CDKAL1: variants seen among roughly 807,000 people sequenced by gnomAD.
CDKAL1 encodes threonylcarbamoyladenosine tRNA methylthiotransferase.
CDKAL1 carries 32 observed loss-of-function variants against 68.2 expected under a neutral mutation model. That is an observed-to-expected ratio of 0.47 (90% CI 0.35 to 0.63). CDKAL1 has a LOEUF of 0.63. CDKAL1 is among the 30% of genes least tolerant of loss of function. The pLI, the probability that CDKAL1 is intolerant of heterozygous loss-of-function variation, is 0.00. For missense variants in CDKAL1, 606 were observed against 696.7 expected, an observed-to-expected ratio of 0.87 and a Z score of 1.47; for synonymous variants, 234 against 244.3, an observed-to-expected ratio of 0.96 and a Z score of 0.39.
chr6:21,068,025 C>A (rs1226990373), intron 12 of CDKAL1, among the ~76,000 whole-genome samples: 2 of 151,964 alleles, frequency 1.3e-5, no homozygotes, highest in Non-Finnish European at 2.9e-5. Flanking sequence ...CTGTTCAAAT[C>A]TTTTGCCCAT....
At chr6:21,069,502 AC>A (rs970882500) in intron 12 of CDKAL1, among the ~76,000 whole-genome samples, 1 of 152,060 alleles carries the variant, frequency 6.6e-6, no homozygotes, top group Non-Finnish European at 1.5e-5. Flanking sequence ...AATAAGCTTT[AC>A]TTGGTTGTGA....
intron 15 of CDKAL1, among the ~76,000 whole-genome samples, chr6:21,220,993 C>T (rs756235651): frequency 6.6e-6 from 1 of 151,940 alleles, no homozygotes; most frequent in Non-Finnish European, 1.5e-5. Flanking sequence ...ATGGTGAAAC[C>T]CCATTTCTAC....
At chr6:20,955,707 C>A in intron 10 of CDKAL1, 122 bp downstream of exon 10, 2 of 744,632 alleles carry the variant, frequency 2.7e-6, no homozygotes, top group Non-Finnish European at 4.2e-6. Flanking sequence ...TTTTGTAGTC[C>A]CGCATTTCCA....
In CDKAL1 at chr6:21,093,694, CTTTTTTTTTTTTTT is replaced by C. The variant is rs547923386; in HGVS notation, c.1237-14680_1237-14667del. On this transcript the variant is annotated intron_variant, in intron 12 of 15. Coordinates refer to ENST00000274695, the MANE Select transcript of CDKAL1 (RefSeq NM_017774.3). Reference sequence around the variant, plus strand: ...ATAACCAACTGAGCTGCTGCTGCTGCTTTTTTTTTTTTTTTTTTTTTTTTTTTTTTTTTTTTTTT... The same window carrying C: ...ATAACCAACTGAGCTGCTGCTGCTGCTTTTTTTTTTTTTTTTTTTTTTTTT... 3.0e-4 allele frequency among the ~76,000 whole-genome samples: 26 copies of C among 88,084 alleles called. 2 individuals carry two copies. The highest frequency in any genetic ancestry group is 1.1e-3 in the East Asian group (4 of 3,636). The allele number at this position is 88,084 out of a possible 152,430, so 57.8% of individuals were successfully genotyped here.
At chr6:20,551,976 A>G (rs992488107) in intron 4 of CDKAL1, among the ~76,000 whole-genome samples, 2 of 148,666 alleles carry the variant, frequency 1.3e-5, no homozygotes, top group South Asian at 2.2e-4. Flanking sequence ...TGGTCCTTCT[A>G]CCTCAGCCTC....
intron 4 of CDKAL1, among the ~76,000 whole-genome samples, chr6:20,553,415 A>G (rs1234237862): frequency 6.6e-6 from 1 of 151,850 alleles, no homozygotes; most frequent in East Asian, 2.0e-4. Context: ...AGGCTGAGGC[A>G]GGAGGATTGC....
At chr6:20,714,406 T>TTG (rs1562046861) in intron 5 of CDKAL1, among the ~76,000 whole-genome samples, 1 of 104,120 alleles carries the variant, frequency 9.6e-6, no homozygotes, top group Non-Finnish European at 1.8e-5. Flanking sequence ...TTTTTTTTTT[T>TTG]GAGACAGAAT....
chr6:21,137,378 T>TCACCGC (rs1377587788), intron 13 of CDKAL1, among the ~76,000 whole-genome samples: 2 of 152,220 alleles, frequency 1.3e-5, no homozygotes, highest in Non-Finnish European at 2.9e-5. Context: ...TACTTGACCG[T>TCACCGC]CACCGCCACA....
At chr6:20,847,872 T>C (rs972571265) in intron 9 of CDKAL1, among the ~76,000 whole-genome samples, 15 of 152,202 alleles carry the variant, frequency 9.9e-5, no homozygotes, top group African/African-American at 3.6e-4. Context: ...CAGAGATTTA[T>C]TGAGAATGAA....
chr6:20,608,148 C>G (rs949820779), intron 4 of CDKAL1, among the ~76,000 whole-genome samples: 1 of 152,174 alleles, frequency 6.6e-6, no homozygotes, highest in African/African-American at 2.4e-5. Flanking sequence ...AGTTTAGTGT[C>G]TGTCATATAA....
intron 13 of CDKAL1, among the ~76,000 whole-genome samples, chr6:21,123,432 G>C (rs183938260): frequency 6.6e-6 from 1 of 152,082 alleles, no homozygotes; most frequent in Non-Finnish European, 1.5e-5. Context: ...CTCCAGCCTG[G>C]GCAACAGAGC....
chr6:20,675,765 A>G lies in CDKAL1; in HGVS notation c.371+26388A>G, dbSNP rs143871224. ...CTTAATATGCTAAACTTTTATTATTATTTTAGAGTGAACTGTTTCTACTGA... is the reference window on the plus strand; with the variant it reads ...CTTAATATGCTAAACTTTTATTATTGTTTTAGAGTGAACTGTTTCTACTGA... On this transcript the variant is annotated intron_variant, in intron 5 of 15. Coordinates refer to ENST00000274695, the MANE Select transcript of CDKAL1 (RefSeq NM_017774.3). Among the ~76,000 whole-genome samples, 65 of 151,964 alleles carry G rather than the reference A, an allele frequency of 4.3e-4. No individual in the cohort carries two copies. The East Asian group carries it at 0.011, about 26-fold the overall frequency.
chr6:20,919,629 CCCTGCAAAG>C (rs1762862056), intron 9 of CDKAL1, among the ~76,000 whole-genome samples: 2 of 152,146 alleles, frequency 1.3e-5, no homozygotes, highest in Non-Finnish European at 2.9e-5. Flanking sequence ...TCATCCATGT[CCCTGCAAAG>C]GACATGAACT....
At chr6:20,847,980 GGC>G (rs1312077139) in intron 9 of CDKAL1, among the ~76,000 whole-genome samples, 1 of 152,168 alleles carries the variant, frequency 6.6e-6, no homozygotes, top group Admixed American at 6.5e-5. Flanking sequence ...GTTTCCCACT[GGC>G]CATTTGGTGT....
At chr6:21,136,067 A>G (rs959624226) in intron 13 of CDKAL1, among the ~76,000 whole-genome samples, 2 of 152,104 alleles carry the variant, frequency 1.3e-5, no homozygotes, top group Non-Finnish European at 1.5e-5. Context: ...CCTCTTTTTC[A>G]TGTTACCAGC....
At chr6:21,096,517 G>A (rs1424714745) in intron 12 of CDKAL1, among the ~76,000 whole-genome samples, 1 of 152,194 alleles carries the variant, frequency 6.6e-6, no homozygotes, top group Non-Finnish European at 1.5e-5. Flanking sequence ...GAAATACATA[G>A]AACTCCAGGA....
chr6:21,024,577 A>T (rs180727139), intron 11 of CDKAL1, among the ~76,000 whole-genome samples: 21 of 152,332 alleles, frequency 1.4e-4, no homozygotes, highest in African/African-American at 4.1e-4. Context: ...TACCATCAAA[A>T]ATACATGTCC....
intron 9 of CDKAL1, among the ~76,000 whole-genome samples, chr6:20,909,348 A>G (rs944543914): frequency 2.0e-5 from 3 of 152,126 alleles, no homozygotes; most frequent in Non-Finnish European, 2.9e-5. Context: ...GGGACCAAAA[A>G]TGGGTCAGAC....
chr6:20,563,351 A>G (rs1328820657), intron 4 of CDKAL1, among the ~76,000 whole-genome samples: 1 of 152,244 alleles, frequency 6.6e-6, no homozygotes, highest in Non-Finnish European at 1.5e-5. Context: ...AGTGGAAGAC[A>G]TTGAAAATGG....
Sources: allele counts gnomAD v4.1 joint callset (sites outside exome capture counted in the v4.1 genomes callset), GRCh38; gene constraint gnomAD v4.1.1; transcripts MANE v1.5; gene names NCBI Gene and HGNC (gene_info 2026-07-23, HGNC 2026-07-21).